Variants in EGFR observed in about 807,000 individuals in gnomAD.
EGFR encodes epidermal growth factor receptor.
In EGFR, 58 loss-of-function variants were observed where a neutral mutation model predicts 143.0. The ratio of observed to expected loss-of-function variants is 0.41; its 90% CI spans 0.33 to 0.50. EGFR has a LOEUF of 0.50. Ranked by LOEUF, EGFR falls within the 20% of genes least tolerant of loss-of-function variation. EGFR has a pLI of 0.39. For missense variants in EGFR, 1,307 were observed against 1,579.0 expected (o/e 0.83, Z 2.92); for synonymous variants, 613 against 594.4 (o/e 1.03, Z -0.45).
chr7:55,036,269 T>TGGGGGGG (rs1562656982), intron 1 of EGFR, among the ~76,000 whole-genome samples: 1 of 16,830 alleles, frequency 5.9e-5, no homozygotes, highest in African/African-American at 1.2e-4. Flanking sequence ...TTTGTGTGTG[T>TGGGGGGG]GTGGGGGGGG....
intron 1 of EGFR, among the ~76,000 whole-genome samples, chr7:55,067,716 G>A (rs1245952415): frequency 6.6e-6 from 1 of 151,402 alleles, no homozygotes; most frequent in Non-Finnish European, 1.5e-5. Flanking sequence ...TCAAGGTGTA[G>A]AACATGATTT....
rs572674550 is a variant in EGFR, at chr7:55,206,175, G to A, written c.*558G>A. 391 of 271,018 alleles carry A rather than the reference G, an allele frequency of 1.4e-3. 2 individuals are homozygous for A. The highest frequency in any genetic ancestry group is 4.1e-3 in the South Asian group (42 of 10,236). The allele number at this position is 271,018 out of a possible 1,614,324, so 16.8% of individuals were successfully genotyped here. A position where few individuals can be genotyped will look rare whatever the true frequency, so the allele number is the denominator to read the frequency against. ...CTTCATGGCCCCAGCAGGCCGGATC[G>A]GTACTGTATCAAGTCATGGCAGGTA... On this transcript the variant is annotated 3_prime_UTR_variant, in exon 28 of 28. Transcript: ENST00000275493.
chr7:55,021,457 T>C (rs1434250561), intron 1 of EGFR, among the ~76,000 whole-genome samples: 1 of 152,254 alleles, frequency 6.6e-6, no homozygotes, highest in Non-Finnish European at 1.5e-5. Context: ...TGGAGATTTG[T>C]TCCTGAGAAA....
intron 1 of EGFR, among the ~76,000 whole-genome samples, chr7:55,070,043 ACAT>A (rs1789730667): frequency 6.6e-6 from 1 of 152,240 alleles, no homozygotes. Context: ...TGTTTTTTGA[ACAT>A]CACACTTGAA....
intron 1 of EGFR, among the ~76,000 whole-genome samples, chr7:55,021,738 G>A (rs1786578905): frequency 6.6e-6 from 1 of 152,180 alleles, no homozygotes; most frequent in Admixed American, 6.5e-5. Context: ...CTAACTTCTA[G>A]ACTTGCTGCT....
intron 1 of EGFR, among the ~76,000 whole-genome samples, chr7:55,127,972 C>T (rs1294565657): frequency 3.3e-5 from 5 of 152,228 alleles, no homozygotes; most frequent in African/African-American, 1.2e-4. Context: ...CATGTTCTGT[C>T]AGATTGAATG....
chr7:55,199,963 G>C (rs1202003819), intron 23 of EGFR, among the ~76,000 whole-genome samples: 2 of 152,212 alleles, frequency 1.3e-5, no homozygotes, highest in East Asian at 3.9e-4. Context: ...GTTGAGTGAG[G>C]ACCTTGGTGC....
At chr7:55,065,294 G>A (rs1447445297) in intron 1 of EGFR, among the ~76,000 whole-genome samples, 1 of 152,174 alleles carries the variant, frequency 6.6e-6, no homozygotes, top group Non-Finnish European at 1.5e-5. Context: ...GGGTGGACGA[G>A]GAGTAAGCTT....
At chr7:55,098,268 A>T (rs968266493) in intron 1 of EGFR, among the ~76,000 whole-genome samples, 5 of 152,180 alleles carry the variant, frequency 3.3e-5, no homozygotes, top group African/African-American at 1.2e-4. Context: ...CAAATAACTA[A>T]TTTGCAGCCT....
chr7:55,139,544 AAAC>A (rs1794338620), intron 1 of EGFR, among the ~76,000 whole-genome samples: 1 of 152,224 alleles, frequency 6.6e-6, no homozygotes, highest in South Asian at 2.1e-4. Context: ...GCCTCAGAAG[AAAC>A]AACCTTATGT....
At chr7:55,036,271 T>TGGG (rs557551216) in intron 1 of EGFR, among the ~76,000 whole-genome samples, 24 of 22,390 alleles carry the variant, frequency 1.1e-3, no homozygotes, top group Admixed American at 2.4e-3. Flanking sequence ...TGTGTGTGTG[T>TGGG]GGGGGGGGGG....
At chr7:55,079,497 A>G (rs1790341479) in intron 1 of EGFR, among the ~76,000 whole-genome samples, 1 of 152,184 alleles carries the variant, frequency 6.6e-6, no homozygotes. Flanking sequence ...TTCCAGGGCC[A>G]GGACTGGAGT....
At chr7:55,191,666 G>C (rs2128964236) in intron 20 of EGFR, 53 bp from the exon 21 acceptor site, 1 of 1,610,912 alleles carries the variant, frequency 6.2e-7, no homozygotes, top group Non-Finnish European at 8.5e-7. Flanking sequence ...TTCGGATGCA[G>C]AGCTTCTTCC....
At chr7:55,085,711 C>T (rs1159258885) in intron 1 of EGFR, among the ~76,000 whole-genome samples, 1 of 152,154 alleles carries the variant, frequency 6.6e-6, no homozygotes. Flanking sequence ...ACGAAAATTG[C>T]GAAGGATCAA....
intron 1 of EGFR, among the ~76,000 whole-genome samples, chr7:55,027,830 CATCTATGTTCTG>C (rs571348972): frequency 1.2e-4 from 18 of 152,014 alleles, no homozygotes; most frequent in African/African-American, 4.3e-4. Context: ...TTAGAAGAGA[CATCTATGTTCTG>C]ATCCACTGTT....
rs2128942650 is a variant in EGFR at position 55,161,491 on chromosome 7, C to A, written c.1499-8C>A. 1 of 1,613,330 alleles carries A rather than the reference C, an allele frequency of 6.2e-7. No homozygotes were observed. The highest frequency in any genetic ancestry group is 8.5e-7 in the Non-Finnish European group (1 of 1,179,842). ...CACTGACTGCTGTGACCCACTCTGT[C>A]TCCGCAGAGGCCACAGGCCAGGTCT... is the stretch of plus-strand genomic sequence containing the variant. On this transcript the variant is annotated splice_polypyrimidine_tract_variant and splice_region_variant and intron_variant, in intron 12 of 27. Transcript: ENST00000275493.
At chr7:55,188,371 A>AC (rs1176979249) in intron 20 of EGFR, among the ~76,000 whole-genome samples, 5 of 151,828 alleles carry the variant, frequency 3.3e-5, no homozygotes, top group African/African-American at 1.2e-4. Flanking sequence ...AAGGTCAAAC[A>AC]CAGCCCCCGC....
At chr7:55,040,413 T>C (rs1787835940) in intron 1 of EGFR, among the ~76,000 whole-genome samples, 1 of 152,188 alleles carries the variant, frequency 6.6e-6, no homozygotes, top group African/African-American at 2.4e-5. Flanking sequence ...ATGATTATAG[T>C]CCTCTGATAT....
intron 8 of EGFR, among the ~76,000 whole-genome samples, chr7:55,156,220 G>A (rs1785412142): frequency 6.6e-6 from 1 of 152,220 alleles, no homozygotes; most frequent in South Asian, 2.1e-4. Context: ...ATCCAGGGAA[G>A]GCAGAGCTGG....
Sources: allele counts gnomAD v4.1 joint callset (sites outside exome capture counted in the v4.1 genomes callset), GRCh38; gene constraint gnomAD v4.1.1; transcripts MANE v1.5; gene names NCBI Gene and HGNC (gene_info 2026-07-23, HGNC 2026-07-21).